CLASP2: variants seen among roughly 807,000 people sequenced by gnomAD.
The protein encoded by CLASP2 is CLIP-associating protein 2.
CLASP2 carries 47 observed loss-of-function variants against 194.4 expected under a neutral mutation model. The ratio of observed to expected loss-of-function variants is 0.24; its 90% CI spans 0.19 to 0.31. The LOEUF (loss-of-function observed/expected upper bound fraction) is 0.31. Among genes scored for constraint, CLASP2 ranks in the 10% least tolerant of loss-of-function variants. The probability of loss-of-function intolerance (pLI) is 1.00; values close to 1 mark genes in which losing one functional copy is unlikely to be tolerated. For missense variants in CLASP2, 1,445 were observed against 1,823.6 expected, an observed-to-expected ratio of 0.79 and a Z score of 3.78; for synonymous variants, 619 against 633.5, an observed-to-expected ratio of 0.98 and a Z score of 0.34.
chr3:33,595,810 G>A (rs1441174446), intron 19 of CLASP2, among the ~76,000 whole-genome samples: 1 of 151,920 alleles, frequency 6.6e-6, no homozygotes. Context: ...ATCTCTTGAT[G>A]GGCTATCATT....
chr3:33,572,602 G>A (rs2063999992), intron 25 of CLASP2, among the ~76,000 whole-genome samples: 3 of 151,984 alleles, frequency 2.0e-5, no homozygotes. Context: ...ATTAGTAAAG[G>A]AAACAAAACC....
At chr3:33,672,704 G>C (rs1452421161) in intron 6 of CLASP2, among the ~76,000 whole-genome samples, 1 of 152,176 alleles carries the variant, frequency 6.6e-6, no homozygotes, top group Non-Finnish European at 1.5e-5. Context: ...AAAAAATTTA[G>C]ATGAATGTAC....
chr3:33,577,264 G>A (rs1170328627), intron 23 of CLASP2: 1 of 1,597,714 alleles, frequency 6.3e-7, no homozygotes, highest in South Asian at 1.1e-5. Flanking sequence ...GTGTCTGGAG[G>A]CTGGAATAAC....
intron 1 of CLASP2, 78 bp downstream of exon 1, chr3:33,717,730 C>A: frequency 1.4e-6 from 2 of 1,476,150 alleles, no homozygotes; most frequent in Non-Finnish European, 1.8e-6. Context: ...GGGAGCTTTC[C>A]CGGCCCGGCG....
At chr3:33,526,430 A>T (rs1413004514) in intron 34 of CLASP2, among the ~76,000 whole-genome samples, 1 of 152,242 alleles carries the variant, frequency 6.6e-6, no homozygotes, top group Non-Finnish European at 1.5e-5. Flanking sequence ...AGGAGACCTA[A>T]GTATCCTAAA....
rs566310433 is a variant in CLASP2 at position 33,696,707 on chromosome 3, CT to C, written c.274+147del. ...TCTCAAACTTCTGACCTTTGGTGATCTGCCTGCCTCGGCCTCCCAAAGTGCT... is the reference window on the plus strand; with the variant it reads ...TCTCAAACTTCTGACCTTTGGTGATCGCCTGCCTCGGCCTCCCAAAGTGCT... On this transcript the variant is annotated intron_variant, in intron 2 of 38. Coordinates refer to ENST00000682230, the MANE Select transcript of CLASP2 (RefSeq NM_001365631.1). 1.3e-3 allele frequency: 809 copies of C among 618,920 alleles called. 12 individuals carry two copies. The South Asian group carries it at 0.014, about 11-fold the overall frequency. The allele number at this position is 618,920 out of a possible 1,614,324, so 38.3% of individuals were successfully genotyped here. A position where few individuals can be genotyped will look rare whatever the true frequency, so the allele number is the denominator to read the frequency against.
intron 36 of CLASP2, among the ~76,000 whole-genome samples, chr3:33,515,688 T>C (rs1156491603): frequency 2.0e-5 from 3 of 152,134 alleles, no homozygotes; most frequent in Non-Finnish European, 4.4e-5. Flanking sequence ...ATTTCTTATC[T>C]TCATTAGTTA....
At chr3:33,617,680 C>T (rs1298846435) in intron 12 of CLASP2, among the ~76,000 whole-genome samples, 1 of 151,560 alleles carries the variant, frequency 6.6e-6, no homozygotes, top group Non-Finnish European at 1.5e-5. Context: ...AATTAATATC[C>T]TTGATATATA....
chr3:33,709,316 T>A (rs954558022), intron 1 of CLASP2, among the ~76,000 whole-genome samples: 2 of 152,194 alleles, frequency 1.3e-5, no homozygotes, highest in African/African-American at 4.8e-5. Flanking sequence ...TTCATCCAAT[T>A]TCATTCTTTT....
At chr3:33,663,709 T>C (rs561476432) in intron 6 of CLASP2, among the ~76,000 whole-genome samples, 194 bp from the exon 7 acceptor site, 2 of 152,260 alleles carry the variant, frequency 1.3e-5, no homozygotes, top group African/African-American at 4.8e-5. Context: ...AGAAGTCACA[T>C]ATAGGTAGGA....
intron 36 of CLASP2, among the ~76,000 whole-genome samples, chr3:33,515,448 T>C (rs751838611): frequency 6.6e-6 from 1 of 152,060 alleles, no homozygotes; most frequent in Non-Finnish European, 1.5e-5. Flanking sequence ...AAAATAACAA[T>C]GACCTGCTTG....
At chr3:33,595,933 A>G (rs543474498) in intron 19 of CLASP2, among the ~76,000 whole-genome samples, 1 of 152,174 alleles carries the variant, frequency 6.6e-6, no homozygotes, top group Non-Finnish European at 1.5e-5. Flanking sequence ...CAGAAGATAT[A>G]TTAGATCAAT....
intron 9 of CLASP2, 62 bp from the exon 10 acceptor site, chr3:33,627,142 C>A (rs1432277375): frequency 1.1e-6 from 1 of 918,832 alleles, no homozygotes; most frequent in East Asian, 2.6e-5. Context: ...CAAAATTATG[C>A]CCTGATGTTT....
At chr3:33,537,797 CA>C (rs2057642905) in intron 33 of CLASP2, among the ~76,000 whole-genome samples, 1 of 152,088 alleles carries the variant, frequency 6.6e-6, no homozygotes, top group Non-Finnish European at 1.5e-5. Flanking sequence ...AAATTACTAT[CA>C]CTACACCTAA....
At chr3:33,570,825 G>C in intron 25 of CLASP2, 35 bp from the exon 26 acceptor site, 2 of 1,502,934 alleles carry the variant, frequency 1.3e-6, no homozygotes, top group Non-Finnish European at 9.0e-7. Context: ...TTAATATCTT[G>C]CTGTAGCAAG....
At chr3:33,550,030 G>A (rs137940701) in intron 30 of CLASP2, among the ~76,000 whole-genome samples, 47 of 152,026 alleles carry the variant, frequency 3.1e-4, no homozygotes, top group South Asian at 2.3e-3. Context: ...CACTGCGTCC[G>A]GCCTATGTGT....
At chr3:33,576,519 T>C (rs1031926772) in intron 23 of CLASP2, 2 of 419,684 alleles carry the variant, frequency 4.8e-6, no homozygotes, top group East Asian at 9.0e-5. Flanking sequence ...AACCACAAGG[T>C]AGAAGGAAGC....
Position 33,587,327 on chromosome 3 carries a change from G to A in CLASP2, c.2069-2407C>T, listed in dbSNP as rs1434241708. Among the ~76,000 whole-genome samples the A allele has an allele frequency of 5.3e-5, 8 of 151,904 alleles. No individual in the cohort carries two copies. In the East Asian group the frequency reaches 7.7e-4, roughly 15 times the overall value. ...TTTTTAGTAGAGACAGGGTTTCATCGTGTTAGCCAGATGGTCTCGATCTCC... is the reference window on the plus strand; with the variant it reads ...TTTTTAGTAGAGACAGGGTTTCATCATGTTAGCCAGATGGTCTCGATCTCC... On this transcript the variant is annotated intron_variant, in intron 21 of 38. Transcript: ENST00000682230.
chr3:33,616,554 G>C (rs1017641280), intron 12 of CLASP2, among the ~76,000 whole-genome samples: 5 of 151,968 alleles, frequency 3.3e-5, no homozygotes, highest in Admixed American at 3.3e-4. Flanking sequence ...AGGGCTATCT[G>C]ATAAAATTCA....
Sources: gnomAD v4.1 joint callset for allele counts (sites outside exome capture counted in the v4.1 genomes callset) on GRCh38, gnomAD v4.1.1 for gene constraint, MANE v1.5 for transcripts, NCBI Gene and HGNC (gene_info 2026-07-23, HGNC 2026-07-21) for gene names.